MYRIP: variants seen among roughly 807,000 people sequenced by gnomAD.
MYRIP encodes myosin VIIA and Rab interacting protein.
A neutral mutation model predicts 98.0 loss-of-function variants in MYRIP; 49 were observed. That is an observed-to-expected ratio of 0.50 (90% CI 0.40 to 0.63). MYRIP has a LOEUF of 0.63. MYRIP is among the 30% of genes least tolerant of loss of function. The pLI, the probability that MYRIP is intolerant of heterozygous loss-of-function variation, is 0.00. For missense variants in MYRIP, 1,004 were observed against 1,058.2 expected, an observed-to-expected ratio of 0.95 and a Z score of 0.71; for synonymous variants, 404 against 409.5, an observed-to-expected ratio of 0.99 and a Z score of 0.16.
At chr3:40,061,262 GTC>G (rs1948008253) in intron 3 of MYRIP, among the ~76,000 whole-genome samples, 1 of 152,132 alleles carries the variant, frequency 6.6e-6, no homozygotes, top group South Asian at 2.1e-4. Context: ...AGACCCCAGT[GTC>G]TGTTTTTCCC....
chr3:40,182,411 T>C (rs1212916387), intron 9 of MYRIP, 38 bp downstream of exon 9: 1 of 1,586,082 alleles, frequency 6.3e-7, no homozygotes, highest in Admixed American at 1.7e-5. Flanking sequence ...GTCTGTGGGT[T>C]TCAAAAGTGT....
intron 2 of MYRIP, among the ~76,000 whole-genome samples, chr3:39,963,249 G>A (rs533146528): frequency 2.0e-5 from 3 of 152,198 alleles, no homozygotes; most frequent in South Asian, 4.1e-4. Context: ...GTGAACAGCC[G>A]GCAAAGTCAG....
intron 3 of MYRIP, among the ~76,000 whole-genome samples, chr3:40,085,457 G>A (rs915388722): frequency 2.2e-4 from 34 of 152,022 alleles, no homozygotes; most frequent in Non-Finnish European, 1.5e-5. Context: ...GCTAATTTTT[G>A]TATTTTTAGT....
rs1951159786 is a variant in MYRIP at position 40,190,080 on chromosome 3, G to A, written c.1282G>A (p.Ala428Thr). The change falls in exon 10 of 17, where the codon GCC becomes ACC. Residue 428 changes from alanine (A) to threonine (T), a missense_variant. Ala to Thr is a moderately conservative substitution (Grantham distance 58, BLOSUM62 0). Transcript: ENST00000302541. The part of the protein sequence containing the change: ...PRNPQPQPTQ[A>T]QSSDQGPIAA... ...GAACCCCCAGCCTCAGCCCACACAG[G>A]CCCAGAGCTCTGACCAAGGCCCCAT... is the stretch of plus-strand genomic sequence containing the variant. 1.2e-6 allele frequency: 2 copies of A among 1,613,948 alleles called. No homozygotes were observed. Among genetic ancestry groups the A allele is most frequent in the Non-Finnish European group, 1.7e-6 (2 of 1,179,928 alleles).
At chr3:39,975,128 A>G (rs1271731332) in intron 2 of MYRIP, among the ~76,000 whole-genome samples, 1 of 152,196 alleles carries the variant, frequency 6.6e-6, no homozygotes, top group African/African-American at 2.4e-5. Context: ...AGATGACATG[A>G]TTGTATGTCT....
At chr3:40,000,743 C>A (rs1171641492) in intron 2 of MYRIP, among the ~76,000 whole-genome samples, 1 of 152,130 alleles carries the variant, frequency 6.6e-6, no homozygotes, top group Non-Finnish European at 1.5e-5. Context: ...TCCCCTGTAA[C>A]CCATCCCCAT....
intron 1 of MYRIP, among the ~76,000 whole-genome samples, chr3:39,878,364 C>T (rs572575636): frequency 6.6e-6 from 1 of 152,272 alleles, no homozygotes; most frequent in African/African-American, 2.4e-5. Context: ...GCCCTGTGCC[C>T]ACTGTCTGGC....
intron 1 of MYRIP, among the ~76,000 whole-genome samples, chr3:39,827,304 G>T (rs971360416): frequency 1.3e-5 from 2 of 151,984 alleles, no homozygotes; most frequent in South Asian, 4.2e-4. Flanking sequence ...GTAGAGATGG[G>T]GCCTTACTGT....
chr3:39,974,555 G>A lies in MYRIP; in HGVS notation c.111-69495G>A, dbSNP rs576698130. Among the ~76,000 whole-genome samples the A allele has an allele frequency of 1.5e-3, 226 of 152,256 alleles. 1 individual carries two copies. The highest frequency in any genetic ancestry group is 5.3e-3 in the African/African-American group (220 of 41,554). On this transcript the variant is annotated intron_variant, in intron 2 of 16. Coordinates refer to ENST00000302541, the MANE Select transcript of MYRIP (RefSeq NM_015460.4). Reference sequence around the variant, plus strand: ...AATCCTCCCTAACTCATTTTATGAGGCCAGCATCATCCCGGTACCAAAGCC... The same window carrying A: ...AATCCTCCCTAACTCATTTTATGAGACCAGCATCATCCCGGTACCAAAGCC...
At chr3:40,187,683 G>T (rs1951075210) in intron 9 of MYRIP, among the ~76,000 whole-genome samples, 3 of 152,202 alleles carry the variant, frequency 2.0e-5, no homozygotes, top group African/African-American at 7.2e-5. Flanking sequence ...TAATTTTCTT[G>T]TAAGGATAAA....
chr3:40,167,235 A>G lies in MYRIP; in HGVS notation c.725A>G (p.Gln242Arg), dbSNP rs1473880483. ...GAGGAACTGGCCACGACAATCCTGC[A>G]GAAGGTAGGTGGGTCCTGGCAGTGG... ...LTEELATTIL[Q>R]KIIRKQKSKS... The change falls in exon 7 of 17, where the codon CAG (glutamine) becomes CGG (arginine). Residue 242 changes from glutamine (Q) to arginine (R), a missense_variant. By Grantham distance (43) the Gln-to-Arg change is conservative. This residue lies in a region of MYRIP where 880 missense variants were observed against 907.7 expected (regional missense o/e 0.97). Coordinates refer to ENST00000302541, the MANE Select transcript of MYRIP (RefSeq NM_015460.4). 6.2e-7 allele frequency: 1 copy of G among 1,614,138 alleles called. No individual in the cohort carries two copies.
chr3:39,993,441 T>G (rs1559552134), intron 2 of MYRIP, among the ~76,000 whole-genome samples: 2 of 152,206 alleles, frequency 1.3e-5, no homozygotes, highest in Non-Finnish European at 2.9e-5. Context: ...CCACCCCTGG[T>G]TAACCTCTGG....
intron 2 of MYRIP, among the ~76,000 whole-genome samples, chr3:40,000,756 G>A (rs1027631394): frequency 6.6e-6 from 1 of 151,974 alleles, no homozygotes; most frequent in Admixed American, 6.6e-5. Context: ...ATCCCCATTC[G>A]CTGGTCATTC....
intron 2 of MYRIP, among the ~76,000 whole-genome samples, chr3:39,978,011 C>CA (rs11436334): frequency 0.28 from 41,558 of 151,006 alleles, 6,339 homozygotes; most frequent in Non-Finnish European, 0.35. Flanking sequence ...CATTTATCAA[C>CA]AAAAAAAAAG....
chr3:40,233,261 GAAGC>G (rs1158696676), intron 11 of MYRIP, among the ~76,000 whole-genome samples: 1 of 152,216 alleles, frequency 6.6e-6, no homozygotes, highest in African/African-American at 2.4e-5. Context: ...CCCCATGGTA[GAAGC>G]AAGCAAGAGA....
chr3:39,891,161 C>T (rs116355122), intron 1 of MYRIP, among the ~76,000 whole-genome samples: 1,563 of 152,142 alleles, frequency 0.01, 17 homozygotes, highest in Non-Finnish European at 0.016. Flanking sequence ...TTTCACCCTG[C>T]CAAGTTCAAA....
rs758188416 is a variant in MYRIP, at chr3:40,044,175, G to A, written c.236G>A (p.Arg79His). Residue 79 changes from arginine to histidine, a missense_variant, in exon 3 of 17, where the codon CGC (arginine) becomes CAC (histidine). Physicochemically the swap from Arg to His is conservative, Grantham distance 29. Coordinates refer to ENST00000302541, the MANE Select transcript of MYRIP (RefSeq NM_015460.4). ...SPFTFLVNTK[R>H]QCGDCKFNVC... Reference sequence around the variant, plus strand: ...TTCACCTTCCTCGTCAACACCAAGCGCCAGTGTGGAGATTGCAAATTCAAT... The same window carrying A: ...TTCACCTTCCTCGTCAACACCAAGCACCAGTGTGGAGATTGCAAATTCAAT... 3.5e-5 allele frequency: 56 copies of A among 1,614,042 alleles called. No individual in the cohort carries two copies. The highest frequency in any genetic ancestry group is 1.6e-4 in the Middle Eastern group (1 of 6,082).
intron 2 of MYRIP, among the ~76,000 whole-genome samples, chr3:39,977,886 C>T (rs1575431236): frequency 1.3e-5 from 2 of 152,256 alleles, no homozygotes; most frequent in South Asian, 2.1e-4. Context: ...AGCTTTCCCC[C>T]GCTTTGGGTT....
Position 40,182,271 on chromosome 3 carries a change from C to A in MYRIP, c.925C>A (p.Pro309Thr). The change falls in exon 9 of 17, where the codon CCA (proline) becomes ACA (threonine). Residue 309 changes from proline to threonine, a missense_variant. Coordinates refer to ENST00000302541, the MANE Select transcript of MYRIP (RefSeq NM_015460.4). ...ITGEEALKTPPVEAPSRQPRD... is the reference protein window; with the variant it reads ...ITGEEALKTPTVEAPSRQPRD... ...TGGAGAAGAAGCCCTGAAGACCCCT[C>A]CAGTGGAGGCTCCATCGAGGCAGCC... is the stretch of plus-strand genomic sequence containing the variant. 6.2e-7 allele frequency: 1 copy of A among 1,613,994 alleles called. No individual in the cohort carries two copies. The highest frequency in any genetic ancestry group is 8.5e-7 in the Non-Finnish European group (1 of 1,179,952).
Sources: allele counts gnomAD v4.1 joint callset (sites outside exome capture counted in the v4.1 genomes callset), GRCh38; gene constraint gnomAD v4.1.1; regional missense constraint gnomAD v4.1.1; transcripts MANE v1.5; gene names NCBI Gene and HGNC (gene_info 2026-07-23, HGNC 2026-07-21).